The following SMIM10L3 variants were observed in gnomAD, a reference collection of about 807,000 sequenced individuals.
SMIM10L3 encodes the protein small integral membrane protein 10 like 3, also known as salivary gland specific protein SAGSIN1.
the SMIM10L3 span, among the ~76,000 whole-genome samples, chr7:6,343,693 C>T: frequency 2.0e-5 from 3 of 151,954 alleles, no homozygotes. Flanking sequence ...TAACCATTCT[C>T]AGTATACAAC....
At chr7:6,345,709 G>C in the SMIM10L3 span, among the ~76,000 whole-genome samples, 1 of 152,086 alleles carries the variant, frequency 6.6e-6, no homozygotes, top group African/African-American at 2.4e-5. Flanking sequence ...ACAGCCTGTA[G>C]ACACTTTTTG....
At chr7:6,341,708 T>C in the SMIM10L3 span, among the ~76,000 whole-genome samples, 1 of 148,800 alleles carries the variant, frequency 6.7e-6, no homozygotes, top group African/African-American at 2.5e-5. Flanking sequence ...AAAAAAATTA[T>C]GAGTGCGCGC....
the SMIM10L3 span, among the ~76,000 whole-genome samples, chr7:6,333,866 CAG>C: frequency 9.5e-6 from 1 of 105,514 alleles, no homozygotes; most frequent in African/African-American, 3.7e-5. Flanking sequence ...TTTTTTGAGA[CAG>C]AGTCTTGCTC....
the SMIM10L3 span, among the ~76,000 whole-genome samples, chr7:6,347,981 G>C: frequency 1.3e-5 from 2 of 150,680 alleles, no homozygotes; most frequent in African/African-American, 4.9e-5. Flanking sequence ...AGCGATCTCG[G>C]CTCACCGCAA....
chr7:6,334,046 C>T, the SMIM10L3 span, among the ~76,000 whole-genome samples: 1 of 150,884 alleles, frequency 6.6e-6, no homozygotes, highest in African/African-American at 2.4e-5. Context: ...TGGGGTTTCA[C>T]CATGTTAGCC....
the SMIM10L3 span, among the ~76,000 whole-genome samples, chr7:6,347,832 T>A: frequency 6.6e-6 from 1 of 150,950 alleles, no homozygotes; most frequent in Non-Finnish European, 1.5e-5. Flanking sequence ...GATGGGAGGA[T>A]CTCTTGAGGC....
At chr7:6,343,074 G>A in the SMIM10L3 span, among the ~76,000 whole-genome samples, 6 of 149,532 alleles carry the variant, frequency 4.0e-5, no homozygotes, top group South Asian at 1.3e-3. Flanking sequence ...GAAAGAGGAA[G>A]AGAAAAGAAA....
At chr7:6,331,763 G>A in the SMIM10L3 span, among the ~76,000 whole-genome samples, 1 of 136,202 alleles carries the variant, frequency 7.3e-6, no homozygotes, top group African/African-American at 2.6e-5. Flanking sequence ...TTTTTGAGAT[G>A]GCGTTTCGCT....
the SMIM10L3 span, among the ~76,000 whole-genome samples, chr7:6,339,933 G>T: frequency 6.6e-6 from 1 of 151,976 alleles, no homozygotes; most frequent in African/African-American, 2.4e-5. Context: ...CGCCCAGGCT[G>T]GAGTGCAGCT....
the SMIM10L3 span, chr7:6,331,374 G>A: frequency 1.6e-6 from 1 of 606,310 alleles, no homozygotes; most frequent in South Asian, 2.1e-5. Flanking sequence ...TATTGGTAAG[G>A]CTGGTTTTGA....
chr7:6,333,168 CAAAAAAAA>C, the SMIM10L3 span, among the ~76,000 whole-genome samples: 1 of 127,998 alleles, frequency 7.8e-6, no homozygotes, highest in African/African-American at 2.7e-5. Flanking sequence ...ATAAAAAAAT[CAAAAAAAA>C]AAAAACAAAA....
the SMIM10L3 span, among the ~76,000 whole-genome samples, chr7:6,332,976 T>C: frequency 4.0e-5 from 6 of 151,774 alleles, no homozygotes; most frequent in African/African-American, 7.3e-5. Context: ...ATGGTCAACA[T>C]GGTGAAACCC....
chr7:6,338,296 T>C, the SMIM10L3 span, among the ~76,000 whole-genome samples: 7 of 152,314 alleles, frequency 4.6e-5, no homozygotes, highest in South Asian at 1.2e-3. Flanking sequence ...AGATATATTG[T>C]ACCAGATAAA....
the SMIM10L3 span, among the ~76,000 whole-genome samples, chr7:6,337,495 T>C: frequency 6.6e-6 from 1 of 151,794 alleles, no homozygotes; most frequent in Non-Finnish European, 1.5e-5. Flanking sequence ...TTCTAACCAT[T>C]TTTAGTAAGT....
At chr7:6,341,894 A>T in the SMIM10L3 span, 1 of 151,898 alleles carries the variant, frequency 6.6e-6, no homozygotes, top group Non-Finnish European at 1.5e-5. Flanking sequence ...GCTGCTTGGG[A>T]GGCTGAGGCA....
At chr7:6,342,781 A>C in the SMIM10L3 span, among the ~76,000 whole-genome samples, 1 of 152,148 alleles carries the variant, frequency 6.6e-6, no homozygotes, top group East Asian at 1.9e-4. Context: ...TCACACTTGT[A>C]ATCTCAGCAC....
the SMIM10L3 span, among the ~76,000 whole-genome samples, chr7:6,344,055 T>C: frequency 6.6e-6 from 1 of 151,824 alleles, no homozygotes; most frequent in Non-Finnish European, 1.5e-5. Flanking sequence ...TCAACTAACT[T>C]TTAATGTTTT....
chr7:6,331,490 A>G, the SMIM10L3 span, among the ~76,000 whole-genome samples: 1 of 151,710 alleles, frequency 6.6e-6, no homozygotes, highest in Non-Finnish European at 1.5e-5. Context: ...TTTTTGAGAC[A>G]GAGTCTTGCT....
the SMIM10L3 span, chr7:6,330,523 A>C: frequency 6.2e-7 from 1 of 1,614,168 alleles, no homozygotes. Context: ...GTCAAGGAAA[A>C]TGCGTTTTGT....
Sources: gnomAD v4.1 joint callset for allele counts (sites outside exome capture counted in the v4.1 genomes callset) on GRCh38, gnomAD v4.1.1 for gene constraint, MANE v1.5 for transcripts, NCBI Gene and HGNC (gene_info 2026-07-23, HGNC 2026-07-21) for gene names.